The following DENND4C variants were observed in gnomAD, a reference collection of about 807,000 sequenced individuals.
The protein encoded by DENND4C is DENN domain containing 4C.
A neutral mutation model predicts 203.0 loss-of-function variants in DENND4C; 108 were observed. The observed-to-expected ratio is 0.53, with a 90% CI of 0.46 to 0.62. The LOEUF (loss-of-function observed/expected upper bound fraction) is 0.62. Among genes scored for constraint, DENND4C ranks in the 20% least tolerant of loss-of-function variants. The pLI, the probability that DENND4C is intolerant of heterozygous loss-of-function variation, is 0.00. For synonymous variants in DENND4C, 871 were observed against 792.4 expected (o/e 1.10, Z -1.67); for missense variants, 2,481 against 2,301.2 (o/e 1.08, Z -1.60).
At chr9:19,257,740 T>C (rs1453623748) in intron 1 of DENND4C, among the ~76,000 whole-genome samples, 1 of 152,196 alleles carries the variant, frequency 6.6e-6, no homozygotes, top group African/African-American at 2.4e-5. Context: ...AAATGGATAG[T>C]AATAGAATAT....
chr9:19,308,393 C>CT (rs1182892402), intron 10 of DENND4C, among the ~76,000 whole-genome samples: 4 of 152,176 alleles, frequency 2.6e-5, no homozygotes, highest in South Asian at 4.1e-4. Context: ...TTCACTGTGG[C>CT]TTTAATTCAC....
chr9:19,260,499 G>A (rs1829093867), intron 1 of DENND4C, among the ~76,000 whole-genome samples: 1 of 152,068 alleles, frequency 6.6e-6, no homozygotes, highest in Admixed American at 6.6e-5. Flanking sequence ...CTGGGTTCAA[G>A]CAGTTCTCCC....
intron 31 of DENND4C, among the ~76,000 whole-genome samples, chr9:19,370,224 A>G (rs1828547360): frequency 6.6e-6 from 1 of 152,150 alleles, no homozygotes; most frequent in African/African-American, 2.4e-5. Flanking sequence ...TTGGGTGGCC[A>G]AAGCAGGAGG....
At chr9:19,244,465 G>A (rs1384199285) in intron 1 of DENND4C, among the ~76,000 whole-genome samples, 1 of 151,978 alleles carries the variant, frequency 6.6e-6, no homozygotes, top group Non-Finnish European at 1.5e-5. Flanking sequence ...CCTTGGCCGG[G>A]CGTGGTGGCT....
chr9:19,372,225 C>T lies in DENND4C; in HGVS notation c.*52C>T, dbSNP rs752599924. 1.3e-6 allele frequency: 2 copies of T among 1,559,710 alleles called. No individual in the cohort carries two copies. The highest frequency in any genetic ancestry group is 8.7e-7 in the Non-Finnish European group (1 of 1,154,802). Reference sequence around the variant, plus strand: ...ACAAGGCTTGGGGATTAGATTTCATCTGGAAACATTCAAGTTTTTTTTTCC... The same window carrying T: ...ACAAGGCTTGGGGATTAGATTTCATTTGGAAACATTCAAGTTTTTTTTTCC... On this transcript the variant is annotated 3_prime_UTR_variant, in exon 33 of 33. Coordinates refer to ENST00000434457, the MANE Select transcript of DENND4C (RefSeq NM_001330640.2).
chr9:19,264,417 C>T (rs1830062099), intron 1 of DENND4C, among the ~76,000 whole-genome samples: 1 of 152,110 alleles, frequency 6.6e-6, no homozygotes, highest in Non-Finnish European at 1.5e-5. Flanking sequence ...AGTGATTCTC[C>T]TGCCTCAGCC....
At chr9:19,299,321 C>T (rs1487641543) in intron 8 of DENND4C, 34 bp downstream of exon 8, 1 of 1,398,178 alleles carries the variant, frequency 7.2e-7, no homozygotes, top group Non-Finnish European at 9.8e-7. Context: ...TATATTTATT[C>T]AGTTGGAGCA....
chr9:19,352,084 T>C lies in DENND4C; in HGVS notation c.4507T>C (p.Phe1503Leu), dbSNP rs762335258. 8 of 1,613,706 alleles carry C rather than the reference T, an allele frequency of 5.0e-6. No homozygotes were observed. The East Asian group carries it at 1.8e-4, about 36-fold the overall frequency. Residue 1503 changes from phenylalanine to leucine, a missense_variant, in exon 25 of 33, where the codon TTT (phenylalanine) becomes CTT (leucine). Physicochemically the swap from Phe to Leu is conservative, Grantham distance 22. Around this residue, in one of 3 missense-constraint regions of DENND4C, gnomAD observed 2,289 missense variants for 2,113.3 expected, o/e 1.08. Coordinates refer to ENST00000434457, the MANE Select transcript of DENND4C (RefSeq NM_001330640.2). ...KLHYPTGEVP[F>L]PRGMKGQDFE... ...ATATTCCTTTGTAGGTGAAGTTCCA[T>C]TTCCAAGAGGCATGAAAGGGCAAGA...
chr9:19,285,315 C>T (rs1478990517), intron 2 of DENND4C, among the ~76,000 whole-genome samples: 4 of 152,120 alleles, frequency 2.6e-5, no homozygotes, highest in African/African-American at 9.7e-5. Flanking sequence ...ATACAATTCA[C>T]ATGTCATACA....
chr9:19,308,300 A>T (rs1245841669), intron 10 of DENND4C, among the ~76,000 whole-genome samples: 1 of 152,264 alleles, frequency 6.6e-6, no homozygotes, highest in Non-Finnish European at 1.5e-5. Context: ...CGTCCTCAGC[A>T]GATGAGAGTT....
chr9:19,304,956 T>G lies in DENND4C; in HGVS notation c.1312-396T>G, dbSNP rs187446181. ...GGATGCTTTTAGTTGGATTTTGATC[T>G]GAGGTAATTTTGAGAATTAATAGGT... On this transcript the variant is annotated intron_variant, in intron 9 of 32. Coordinates refer to ENST00000434457, the MANE Select transcript of DENND4C (RefSeq NM_001330640.2). 2.0e-4 allele frequency among the ~76,000 whole-genome samples: 31 copies of G among 151,966 alleles called. No homozygotes were observed. The East Asian group carries it at 5.4e-3, about 26-fold the overall frequency.
chr9:19,290,953 T>C, intron 5 of DENND4C, 77 bp downstream of exon 5: 1 of 1,387,192 alleles, frequency 7.2e-7, no homozygotes, highest in Non-Finnish European at 9.9e-7. Flanking sequence ...AAGTTTTATT[T>C]GAATGTTAGG....
intron 30 of DENND4C, among the ~76,000 whole-genome samples, chr9:19,365,195 A>C (rs1827380273): frequency 6.6e-6 from 1 of 152,210 alleles, no homozygotes; most frequent in Non-Finnish European, 1.5e-5. Context: ...TATAAAAATG[A>C]TTTTACACCA....
At position 19,358,149 on chromosome 9, in the gene DENND4C, C is replaced by T. The variant is rs780296642; in HGVS notation, c.5149C>T (p.Gln1717Ter). The T allele has an allele frequency of 6.2e-7, 1 of 1,613,024 alleles. No individual in the cohort carries two copies. The highest frequency in any genetic ancestry group is 8.5e-7 in the Non-Finnish European group (1 of 1,179,368). Residue 1717 changes from glutamine (Q) to a stop codon, truncating the protein, a stop_gained, in exon 28 of 33, where the codon CAG (glutamine) becomes TAG (stop). Transcript: ENST00000434457. LOFTEE classifies it high-confidence loss of function. The surrounding 1 kb of genome is among the most constrained non-coding windows in gnomAD (Gnocchi z 4.8). The part of the protein sequence containing the change: ...ISTVSLPNSL[Q>*]EVVDPLGKRP... Reference sequence around the variant, plus strand: ...AACAGTTAGTCTTCCAAATAGTCTGCAGGAAGTTGTGGTATGTAACAACAA... The same window carrying T: ...AACAGTTAGTCTTCCAAATAGTCTGTAGGAAGTTGTGGTATGTAACAACAA...
intron 23 of DENND4C, among the ~76,000 whole-genome samples, chr9:19,348,117 T>G (rs1333583128): frequency 6.6e-6 from 1 of 152,226 alleles, no homozygotes; most frequent in East Asian, 1.9e-4. Context: ...TATGTCTGGT[T>G]TTATATATGA....
At chr9:19,253,493 A>C (rs1344903424) in intron 1 of DENND4C, among the ~76,000 whole-genome samples, 1 of 152,222 alleles carries the variant, frequency 6.6e-6, no homozygotes, top group Non-Finnish European at 1.5e-5. Flanking sequence ...TCTGTGACCC[A>C]GTCAACATGA....
At chr9:19,320,881 TG>T (rs1381528566) in intron 12 of DENND4C, among the ~76,000 whole-genome samples, 1 of 152,212 alleles carries the variant, frequency 6.6e-6, no homozygotes, top group Non-Finnish European at 1.5e-5. Flanking sequence ...CATTATAACT[TG>T]TGGAGAATAA....
chr9:19,295,292 T>G (rs1588863371), intron 5 of DENND4C, among the ~76,000 whole-genome samples: 1 of 152,108 alleles, frequency 6.6e-6, no homozygotes, highest in Non-Finnish European at 1.5e-5. Flanking sequence ...GATCATGAGG[T>G]CAGGAGATCG....
intron 23 of DENND4C, among the ~76,000 whole-genome samples, chr9:19,350,078 T>C (rs1346083411): frequency 6.6e-6 from 1 of 152,230 alleles, no homozygotes; most frequent in Non-Finnish European, 1.5e-5. Context: ...AAAACCTGAT[T>C]GTTGAAATGT....
Sources: gnomAD v4.1 joint callset for allele counts (sites outside exome capture counted in the v4.1 genomes callset) on GRCh38, gnomAD v4.1.1 for gene constraint, gnomAD v4.1.1 regional missense constraint, Gnocchi (gnomAD v3.1) non-coding constraint, MANE v1.5 for transcripts, NCBI Gene and HGNC (gene_info 2026-07-23, HGNC 2026-07-21) for gene names.